The following EXOC6B variants were observed in gnomAD, a reference collection of about 807,000 sequenced individuals.
EXOC6B encodes the protein exocyst complex component 6B.
In EXOC6B, 54 loss-of-function variants were observed where a neutral mutation model predicts 113.5. That is an observed-to-expected ratio of 0.48 (90% CI 0.38 to 0.60). The LOEUF (loss-of-function observed/expected upper bound fraction) is 0.60, where lower values mean the gene tolerates loss of function less well. EXOC6B is among the 20% of genes least tolerant of loss of function. The pLI is 0.00. For missense variants in EXOC6B, 797 were observed against 977.5 expected (o/e 0.82, Z 2.46); for synonymous variants, 357 against 339.0 (o/e 1.05, Z -0.58).
At chr2:72,422,883 G>A (rs1011026677) in intron 18 of EXOC6B, among the ~76,000 whole-genome samples, 20 of 144,288 alleles carry the variant, frequency 1.4e-4, no homozygotes, top group Admixed American at 8.6e-4. Flanking sequence ...ACCAATCAGC[G>A]CCCTGACAAA....
intron 18 of EXOC6B, among the ~76,000 whole-genome samples, chr2:72,389,776 T>G (rs1292238828): frequency 2.0e-5 from 3 of 152,206 alleles, no homozygotes; most frequent in Non-Finnish European, 4.4e-5. Context: ...TTTCTCTGTA[T>G]GTACTATGTA....
intron 17 of EXOC6B, among the ~76,000 whole-genome samples, chr2:72,474,345 TTAAG>T (rs1285884520): frequency 3.9e-5 from 6 of 152,156 alleles, no homozygotes; most frequent in African/African-American, 1.2e-4. Flanking sequence ...TCTTACTGCA[TTAAG>T]TAAGTTTTCC....
At chr2:72,403,938 G>A (rs997140752) in intron 18 of EXOC6B, among the ~76,000 whole-genome samples, 4 of 152,286 alleles carry the variant, frequency 2.6e-5, no homozygotes, top group Admixed American at 2.0e-4. Flanking sequence ...AGTGCAAGGG[G>A]TCAGGGAATT....
At chr2:72,679,073 CTT>C (rs549104274) in intron 6 of EXOC6B, among the ~76,000 whole-genome samples, 1 of 146,264 alleles carries the variant, frequency 6.8e-6, no homozygotes, top group Non-Finnish European at 1.5e-5. Context: ...CATATAATCT[CTT>C]TTTTTTTTTT....
chr2:72,689,417 G>GTC (rs1677328538), intron 6 of EXOC6B, among the ~76,000 whole-genome samples: 1 of 152,158 alleles, frequency 6.6e-6, no homozygotes, highest in African/African-American at 2.4e-5. Flanking sequence ...CTCTCTCTCA[G>GTC]TCTCTCTCTC....
chr2:72,428,661 G>A (rs771323343), intron 18 of EXOC6B, among the ~76,000 whole-genome samples: 5 of 152,158 alleles, frequency 3.3e-5, no homozygotes, highest in Non-Finnish European at 5.9e-5. Context: ...AAAGCCAAGC[G>A]GGCACAAGCA....
At chr2:72,382,015 A>G (rs1018145734) in intron 18 of EXOC6B, among the ~76,000 whole-genome samples, 10 of 152,152 alleles carry the variant, frequency 6.6e-5, no homozygotes, top group Admixed American at 1.3e-4. Context: ...TTTCATTTGT[A>G]TTTTCTGATG....
intron 19 of EXOC6B, among the ~76,000 whole-genome samples, chr2:72,367,204 A>C (rs1438420520): frequency 6.6e-6 from 1 of 152,210 alleles, no homozygotes; most frequent in Non-Finnish European, 1.5e-5. Flanking sequence ...ACATTAATGC[A>C]AAATGGCATA....
chr2:72,697,117 T>TAGATATAGATAC (rs1388154845), intron 6 of EXOC6B, among the ~76,000 whole-genome samples: 27 of 149,190 alleles, frequency 1.8e-4, no homozygotes, highest in Non-Finnish European at 3.3e-4. Flanking sequence ...GATATAGATA[T>TAGATATAGATAC]AGATATAGAT....
At chr2:72,466,567 A>G (rs538249302) in intron 17 of EXOC6B, among the ~76,000 whole-genome samples, 1 of 152,238 alleles carries the variant, frequency 6.6e-6, no homozygotes, top group African/African-American at 2.4e-5. Flanking sequence ...ACGTTTTAAA[A>G]GCCAGAATAA....
At chr2:72,788,753 C>T (rs978711386) in intron 1 of EXOC6B, among the ~76,000 whole-genome samples, 13 of 152,282 alleles carry the variant, frequency 8.5e-5, no homozygotes, top group African/African-American at 2.9e-4. Flanking sequence ...GTGCGGTAAT[C>T]GCACCACTGC....
intron 20 of EXOC6B, among the ~76,000 whole-genome samples, chr2:72,211,653 G>A (rs754847077): frequency 1.5e-4 from 23 of 152,166 alleles, no homozygotes; most frequent in Non-Finnish European, 2.8e-4. Context: ...AAGGTGATAC[G>A]TAGAGTTCTG....
At chr2:72,259,576 C>T (rs1263485681) in intron 20 of EXOC6B, among the ~76,000 whole-genome samples, 1 of 152,134 alleles carries the variant, frequency 6.6e-6, no homozygotes, top group Non-Finnish European at 1.5e-5. Flanking sequence ...AAGGTAAGTA[C>T]CTGTTTACTT....
In EXOC6B at chr2:72,480,185, T is replaced by C. The variant is rs140636798; in HGVS notation, c.1800+431A>G. On this transcript the variant is annotated intron_variant, in intron 17 of 21. Transcript: ENST00000272427. ...CACCACTGCACTCCAGCCTGGGCAA[T>C]AGAGCAAGATTTGATTTAAAAAAAA... Among the ~76,000 whole-genome samples the C allele has an allele frequency of 1.5e-3, 215 of 147,022 alleles. 5 individuals are homozygous for C. The East Asian group carries it at 0.021, about 14-fold the overall frequency.
At chr2:72,824,228 G>T (rs559411527) in intron 1 of EXOC6B, among the ~76,000 whole-genome samples, 214 of 152,002 alleles carry the variant, frequency 1.4e-3, no homozygotes, top group African/African-American at 4.6e-3. Context: ...TCTACAAAAA[G>T]TTTAAAACTT....
At chr2:72,778,128 T>G (rs745454564) in intron 1 of EXOC6B, among the ~76,000 whole-genome samples, 1 of 152,152 alleles carries the variant, frequency 6.6e-6, no homozygotes, top group Non-Finnish European at 1.5e-5. Context: ...ACTCTCCAAT[T>G]AAAAGGCAGA....
intron 20 of EXOC6B, among the ~76,000 whole-genome samples, chr2:72,234,882 T>C (rs528945394): frequency 6.6e-5 from 10 of 150,908 alleles, no homozygotes; most frequent in Admixed American, 5.3e-4. Context: ...TATTAAAAAG[T>C]AAAAAACAAA....
At chr2:72,716,745 T>C (rs1679645472) in intron 6 of EXOC6B, among the ~76,000 whole-genome samples, 1 of 152,098 alleles carries the variant, frequency 6.6e-6, no homozygotes, top group Admixed American at 6.6e-5. Flanking sequence ...TTCAGATAAT[T>C]AAGGAATGAG....
chr2:72,785,649 G>A (rs1684334977), intron 1 of EXOC6B, among the ~76,000 whole-genome samples: 1 of 152,244 alleles, frequency 6.6e-6, no homozygotes, highest in South Asian at 2.1e-4. Context: ...CACAACTGGA[G>A]CAGCTGGGAA....
Sources: gnomAD v4.1 joint callset for allele counts (sites outside exome capture counted in the v4.1 genomes callset) on GRCh38, gnomAD v4.1.1 for gene constraint, MANE v1.5 for transcripts, NCBI Gene and HGNC (gene_info 2026-07-23, HGNC 2026-07-21) for gene names.